Variants in ZNF3 observed in about 807,000 individuals in gnomAD.
ZNF3 encodes zinc finger protein 3.
ZNF3 carries 16 observed loss-of-function variants against 36.9 expected under a neutral mutation model. The ratio of observed to expected loss-of-function variants is 0.43; its 90% CI spans 0.29 to 0.66. ZNF3 has a LOEUF of 0.66. Among genes scored for constraint, ZNF3 ranks in the 30% least tolerant of loss-of-function variants. ZNF3 has a pLI of 0.13. For synonymous variants in ZNF3, 201 were observed against 201.9 expected (o/e 1.00, Z 0.04); for missense variants, 462 against 543.1 (o/e 0.85, Z 1.48).
At chr7:100,067,248 A>T (rs1305777901), downstream of ZNF3, among the ~76,000 whole-genome samples, 1 of 152,008 alleles carries the variant, frequency 6.6e-6, no homozygotes, top group East Asian at 1.9e-4. Context: ...CCCTCACTTC[A>T]TCCTTTATTG....
At position 100,070,961 on chromosome 7, in the gene ZNF3, C is replaced by G; in HGVS notation, c.*182G>C. On this transcript the variant is annotated 3_prime_UTR_variant, in exon 6 of 6. Transcript: ENST00000299667. The stretch of plus-strand genomic sequence containing the variant: ...TATTCCCAGCACGCCATCCACTTGC[C>G]TTGACGCTTTCTAAGGCTGGTGTGA... 5 of 1,404,446 alleles carry G rather than the reference C, an allele frequency of 3.6e-6. No individual in the cohort carries two copies. Among genetic ancestry groups the G allele is most frequent in the Non-Finnish European group, 4.6e-6 (5 of 1,085,180 alleles). 87.0% of individuals were successfully genotyped at this position (1,404,446 alleles called of 1,614,324 possible). A position where few individuals can be genotyped will look rare whatever the true frequency, so the allele number is the denominator to read the frequency against.
Position 100,072,222 on chromosome 7 carries a change from T to A in ZNF3, c.272-10A>T. On this transcript the variant is annotated splice_polypyrimidine_tract_variant and intron_variant, in intron 5 of 5. Coordinates refer to ENST00000299667, the MANE Select transcript of ZNF3 (RefSeq NM_032924.5). Reference sequence around the variant, plus strand: ...GTCCTGGTCTCACGATCTGACACAATAAAAAATGCAAATGTCACTTGTTCC... The same window carrying A: ...GTCCTGGTCTCACGATCTGACACAAAAAAAAATGCAAATGTCACTTGTTCC... 3.2e-6 allele frequency: 5 copies of A among 1,557,922 alleles called. No homozygotes were observed. The highest frequency in any genetic ancestry group is 4.3e-6 in the Non-Finnish European group (5 of 1,157,256).
chr7:100,074,250 G>A (rs547708861), intron 5 of ZNF3, among the ~76,000 whole-genome samples: 9 of 152,186 alleles, frequency 5.9e-5, no homozygotes, highest in African/African-American at 2.2e-4. Context: ...AAGACATTGA[G>A]ACCGCTACTC....
chr7:100,071,101 T>C lies in ZNF3; in HGVS notation c.*42A>G, dbSNP rs138989781. 3.2e-5 allele frequency: 50 copies of C among 1,540,484 alleles called. No individual in the cohort carries two copies. The African/African-American group carries it at 6.3e-4, about 20-fold the overall frequency. ...GATTTATAGGGTAAGGCAAGAGCTC[T>C]TGAGACTCAGGGAAAGTGAGGAAAA... On this transcript the variant is annotated 3_prime_UTR_variant, in exon 6 of 6. Transcript: ENST00000299667.
downstream of ZNF3, among the ~76,000 whole-genome samples, chr7:100,068,533 C>T (rs1477696623): frequency 1.3e-5 from 2 of 151,068 alleles, no homozygotes; most frequent in Non-Finnish European, 1.5e-5. Context: ...GTTAGCTGGG[C>T]GTGGTGGTGG....
At chr7:100,067,724 G>A (rs1035727846), downstream of ZNF3, among the ~76,000 whole-genome samples, 5 of 152,110 alleles carry the variant, frequency 3.3e-5, no homozygotes, top group African/African-American at 1.2e-4. Context: ...AAAACCACTC[G>A]GAAAAGAGCC....
At chr7:100,080,973 T>C (rs1486276258) in intron 1 of ZNF3, among the ~76,000 whole-genome samples, 1 of 152,204 alleles carries the variant, frequency 6.6e-6, no homozygotes, top group East Asian at 1.9e-4. Context: ...GGTTCATCAC[T>C]CTGCTATCTT....
chr7:100,064,805 G>T (rs1792557710), exon 6 of ZNF3: 2 of 1,614,144 alleles, frequency 1.2e-6, no homozygotes, highest in Non-Finnish European at 8.5e-7. Context: ...GTGTCAGGAG[G>T]TTCCACACTC....
Position 100,071,383 on chromosome 7 carries a change from G to A in ZNF3, c.1101C>T (p.Pro367=), listed in dbSNP as rs1793120207. The A allele has an allele frequency of 1.2e-6, 2 of 1,614,086 alleles. No individual in the cohort carries two copies. The highest frequency in any genetic ancestry group is 1.7e-6 in the Non-Finnish European group (2 of 1,180,032). Residue 367 remains proline (P), a synonymous_variant, in exon 6 of 6, where the codon CCC becomes CCT. Transcript: ENST00000299667. ...QHQRIHTGEK[P]YECMECGGKF... ...TTCCTCCACATTCCATACATTCGTA[G>A]GGCTTCTCTCCAGTGTGGATTCTCT...
At chr7:100,067,550 G>T (rs1792712122), downstream of ZNF3, among the ~76,000 whole-genome samples, 1 of 152,086 alleles carries the variant, frequency 6.6e-6, no homozygotes, top group Non-Finnish European at 1.5e-5. Flanking sequence ...GACTACAGAT[G>T]TGTGCCACCA....
rs371848073 is a variant in ZNF3, at chr7:100,071,943, A to G, written c.541T>C (p.Phe181Leu). The change falls in exon 6 of 6, where the codon TTC becomes CTC. Residue 181 changes from phenylalanine to leucine, a missense_variant. Transcript: ENST00000299667. Reference sequence around the variant, plus strand: ...GAGATAAGGTTGGAATTCACAGTGAAGCTGTTCCCAAAATCATTATATTTC... The same window carrying G: ...GAGATAAGGTTGGAATTCACAGTGAGGCTGTTCCCAAAATCATTATATTTC... ...SEKYNDFGNSFTVNSNLISHQ... is the reference protein window; with the variant it reads ...SEKYNDFGNSLTVNSNLISHQ... 1 of 1,614,116 alleles carries G rather than the reference A, an allele frequency of 6.2e-7. No individual in the cohort carries two copies. The highest frequency in any genetic ancestry group is 8.5e-7 in the Non-Finnish European group (1 of 1,180,046).
intron 4 of ZNF3, 24 bp downstream of exon 4, chr7:100,075,518 A>AG: frequency 6.2e-7 from 1 of 1,612,924 alleles, no homozygotes; most frequent in Non-Finnish European, 8.5e-7. Context: ...GGAAAGGAAA[A>AG]GGATAAACGG....
intron 1 of ZNF3, among the ~76,000 whole-genome samples, chr7:100,080,820 A>T (rs894872894): frequency 1.8e-4 from 27 of 152,294 alleles, no homozygotes; most frequent in Non-Finnish European, 3.1e-4. Flanking sequence ...TAATTTTTTT[A>T]AAAAAAGAGC....
downstream of ZNF3, among the ~76,000 whole-genome samples, chr7:100,067,630 G>A (rs1397258625): frequency 2.0e-5 from 3 of 152,018 alleles, no homozygotes; most frequent in African/African-American, 4.8e-5. Flanking sequence ...TTGAACTCCT[G>A]AGTTCAAGCG....
chr7:100,071,424 G>A lies in ZNF3; in HGVS notation c.1060C>T (p.His354Tyr). The change falls in exon 6 of 6, where the codon CAC becomes TAC. Residue 354 changes from histidine to tyrosine, a missense_variant. Physicochemically the swap from His to Tyr is moderately conservative, Grantham distance 83. Transcript: ENST00000299667. ...ECGKAFSQSS[H>Y]LYQHQRIHTG... ...TGGATTCTCTGGTGCTGATAGAGGTGTGAGCTCTGGCTGAAGGCTTTCCCA... is the reference window on the plus strand; with the variant it reads ...TGGATTCTCTGGTGCTGATAGAGGTATGAGCTCTGGCTGAAGGCTTTCCCA... 6.2e-7 allele frequency: 1 copy of A among 1,614,046 alleles called. No individual in the cohort carries two copies. The highest frequency in any genetic ancestry group is 8.5e-7 in the Non-Finnish European group (1 of 1,180,022).
At chr7:100,069,668 C>T (rs376605810), downstream of ZNF3, among the ~76,000 whole-genome samples, 65 of 150,800 alleles carry the variant, frequency 4.3e-4, no homozygotes, top group African/African-American at 1.5e-3. Flanking sequence ...GGCTGGAGTT[C>T]AATGGCGCGA....
intron 2 of ZNF3, among the ~76,000 whole-genome samples, 159 bp downstream of exon 2, chr7:100,079,377 A>C (rs1794634408): frequency 6.6e-6 from 1 of 152,218 alleles, no homozygotes; most frequent in Non-Finnish European, 1.5e-5. Flanking sequence ...ATCAGTAAAC[A>C]GCGTTTCTCA....
chr7:100,064,656 T>C (rs778878419), exon 6 of ZNF3: 6 of 1,603,040 alleles, frequency 3.7e-6, no homozygotes, highest in South Asian at 2.2e-5. Context: ...TTTTAAACTT[T>C]AGAATCTGAA....
At chr7:100,066,591 G>A (rs1792661186), downstream of ZNF3, among the ~76,000 whole-genome samples, 1 of 150,152 alleles carries the variant, frequency 6.7e-6, no homozygotes, top group African/African-American at 2.4e-5. Context: ...AAAAAAATTA[G>A]CTGGGCGTGG....
Sources: gnomAD v4.1 joint callset for allele counts (sites outside exome capture counted in the v4.1 genomes callset) on GRCh38, gnomAD v4.1.1 for gene constraint, MANE v1.5 for transcripts, NCBI Gene and HGNC (gene_info 2026-07-23, HGNC 2026-07-21) for gene names.